The following MARF1 variants were observed in gnomAD, a reference collection of about 807,000 sequenced individuals.
MARF1 encodes meiosis regulator and mRNA stability factor 1.
Under a neutral mutation model 168.2 loss-of-function variants are expected in MARF1, and 24 were observed. The observed-to-expected ratio is 0.14, with a 90% CI of 0.10 to 0.20. The LOEUF (loss-of-function observed/expected upper bound fraction) is 0.20, where lower values mean the gene tolerates loss of function less well. Among genes scored for constraint, MARF1 ranks in the 10% least tolerant of loss-of-function variants. The pLI is 1.00. For synonymous variants in MARF1, 868 were observed against 822.4 expected (o/e 1.06, Z -0.95); for missense variants, 1,744 against 2,143.6 (o/e 0.81, Z 3.68).
At chr16:15,630,264 T>C (rs1487057441) in intron 7 of MARF1, 68 bp downstream of exon 7, 15 of 1,465,214 alleles carry the variant, frequency 1.0e-5, no homozygotes, top group Non-Finnish European at 1.4e-5. Context: ...ACCCCCTTAT[T>C]ATGGGCTGTC....
chr16:15,622,108 C>T (rs369807108), intron 11 of MARF1, among the ~76,000 whole-genome samples, 197 bp from the exon 12 acceptor site: 5 of 152,220 alleles, frequency 3.3e-5, no homozygotes, highest in East Asian at 3.9e-4. Context: ...GACACTGGCC[C>T]GGCCTGCCTG....
At chr16:15,602,640 G>GC (rs370453498) in intron 22 of MARF1, 3 of 458,872 alleles carry the variant, frequency 6.5e-6, no homozygotes, top group Middle Eastern at 3.2e-4. Context: ...GAAGGAAGAG[G>GC]AGAAAGAAAA....
intron 13 of MARF1, 80 bp from the exon 14 acceptor site, chr16:15,617,615 G>C: frequency 2.2e-6 from 2 of 919,730 alleles, no homozygotes; most frequent in South Asian, 1.6e-5. Flanking sequence ...TTTAAATAAA[G>C]AACAATAACC....
chr16:15,633,875 T>C, intron 4 of MARF1, 32 bp from the exon 5 acceptor site: 2 of 1,515,594 alleles, frequency 1.3e-6, no homozygotes, highest in South Asian at 2.4e-5. Flanking sequence ...CAATTACTTG[T>C]AGTGGAAAAT....
chr16:15,633,877 G>T (rs542495464), intron 4 of MARF1, 34 bp from the exon 5 acceptor site: 2 of 1,507,010 alleles, frequency 1.3e-6, no homozygotes, highest in East Asian at 2.3e-5. Flanking sequence ...ATTACTTGTA[G>T]TGGAAAATAA....
In MARF1 at chr16:15,614,557, G is replaced by A. The variant is rs1408599747; in HGVS notation, c.3253+1273C>T. The stretch of plus-strand genomic sequence containing the variant: ...TCCCAGCACTTTGGGAGGCTGAGGC[G>A]GGCGGATCATGAGGTCAGGAGATCA... On this transcript the variant is annotated intron_variant, in intron 16 of 26. Transcript: ENST00000396368. Among the ~76,000 whole-genome samples, 8 of 150,060 alleles carry A rather than the reference G, an allele frequency of 5.3e-5. No homozygotes were observed. The East Asian group carries it at 6.0e-4, about 11-fold the overall frequency.
intron 3 of MARF1, 79 bp downstream of exon 3, chr16:15,635,577 C>T (rs1334657511): frequency 7.7e-7 from 1 of 1,292,000 alleles, no homozygotes; most frequent in East Asian, 2.4e-5. Context: ...ATGTATAATA[C>T]TTTTCAAGAT....
rs565989147 is a variant in MARF1 at position 15,599,154 on chromosome 16, T to TAAA, written c.4814-133_4814-131dup. 1,732 of 297,652 alleles carry TAAA rather than the reference T, an allele frequency of 5.8e-3. 2 individuals carry two copies. Among genetic ancestry groups the TAAA allele is most frequent in the African/African-American group, 0.014 (416 of 28,982 alleles). The allele number at this position is 297,652 out of a possible 1,614,324, so 18.4% of individuals were successfully genotyped here. ...GAGAGTCAAGAAGTATTTAAGGTAT[T>TAAA]AAAAAAAAAAAAAAAAAAAAACAAA... On this transcript the variant is annotated intron_variant, in intron 25 of 26. Transcript: ENST00000396368.
At position 15,633,725 on chromosome 16, in the gene MARF1, T is replaced by A; in HGVS notation, c.1125A>T (p.Gln375His). The change falls in exon 5 of 27, where the codon CAA becomes CAT. Residue 375 changes from glutamine (Q) to histidine (H), a missense_variant. Physicochemically the swap from Gln to His is conservative, Grantham distance 24. Transcript: ENST00000396368. ...CTTTAAAAAACTTCTCACGGATTCT[T>A]TGCACAACAGCAGTTGCTGACCGGC... ...PSGRSATAVV[Q>H]RIREKFFKGH... is the part of the protein sequence containing the mutation. 1.9e-6 allele frequency: 3 copies of A among 1,614,138 alleles called. No homozygotes were observed. Among genetic ancestry groups the A allele is most frequent in the Non-Finnish European group, 2.5e-6 (3 of 1,180,020 alleles).
Position 15,630,429 on chromosome 16 carries a change from T to A in MARF1, c.1427A>T (p.Asn476Ile). 1 of 1,614,056 alleles carries A rather than the reference T, an allele frequency of 6.2e-7. No individual in the cohort carries two copies. Among genetic ancestry groups the A allele is most frequent in the Non-Finnish European group, 8.5e-7 (1 of 1,179,972 alleles). The change falls in exon 7 of 27, where the codon AAC becomes ATC. Residue 476 changes from asparagine (N) to isoleucine (I), a missense_variant. Asn to Ile is a moderately radical substitution (Grantham distance 149). This residue lies in a region of MARF1 where 217 missense variants were observed against 372.4 expected (regional missense o/e 0.58). Transcript: ENST00000396368. ...HGFHIILVHK[N>I]QASEALLHHA... ...ATGCAGCAGTGCTTCTGAGGCCTGG[T>A]TTTTATGGACCAAAATAATGTGGAA...
intron 25 of MARF1, among the ~76,000 whole-genome samples, chr16:15,600,018 T>G (rs1180994129): frequency 6.6e-6 from 1 of 152,196 alleles, no homozygotes; most frequent in Admixed American, 6.5e-5. Flanking sequence ...CCTGCATGCC[T>G]ATAGCAAGAA....
At chr16:15,631,264 T>C in intron 6 of MARF1, 117 bp downstream of exon 6, 1 of 660,596 alleles carries the variant, frequency 1.5e-6, no homozygotes, top group Non-Finnish European at 2.7e-6. Context: ...ACCATAAACA[T>C]GTCTCATGTA....
At position 15,636,260 on chromosome 16, in the gene MARF1, G is replaced by A. The variant is rs1443712846; in HGVS notation, c.227C>T (p.Pro76Leu). ...SPLHAGSKLF[P>L]AVPLPDIRSL... ...ACGAATATCAGGAAGTGGGACTGCT[G>A]GAAAAAGCTTAGAGCCAGCATGAAG... The change falls in exon 3 of 27, where the codon CCA becomes CTA. Residue 76 changes from proline (P) to leucine (L), a missense_variant. By Grantham distance (98) the Pro-to-Leu change is moderately conservative (BLOSUM62 -3). Around this residue, in one of 7 missense-constraint regions of MARF1, gnomAD observed 318 missense variants for 336.6 expected, o/e 0.94. Coordinates refer to ENST00000396368, the MANE Select transcript of MARF1 (RefSeq NM_014647.4). 1.9e-6 allele frequency: 3 copies of A among 1,613,688 alleles called. No homozygotes were observed. The highest frequency in any genetic ancestry group is 2.5e-6 in the Non-Finnish European group (3 of 1,179,800).
At chr16:15,626,039 G>C (rs1013153886) in intron 7 of MARF1, among the ~76,000 whole-genome samples, 1 of 152,154 alleles carries the variant, frequency 6.6e-6, no homozygotes, top group Non-Finnish European at 1.5e-5. Flanking sequence ...ACTCAGGTGG[G>C]AGGATTACCT....
intron 10 of MARF1, 149 bp from the exon 11 acceptor site, chr16:15,623,272 A>AAC: frequency 3.5e-6 from 1 of 287,984 alleles, no homozygotes; most frequent in Non-Finnish European, 5.6e-6. Flanking sequence ...TGTGTTTTTA[A>AAC]TCTTTTTTTT....
chr16:15,610,745 CT>C (rs1184332584), intron 19 of MARF1, among the ~76,000 whole-genome samples: 3 of 152,290 alleles, frequency 2.0e-5, no homozygotes, highest in Admixed American at 6.5e-5. Flanking sequence ...GATGATGCCC[CT>C]TTTTCCCCTT....
At chr16:15,599,174 A>C (rs2032137652) in intron 25 of MARF1, 150 bp from the exon 26 acceptor site, 3 of 751,458 alleles carry the variant, frequency 4.0e-6, no homozygotes, top group Non-Finnish European at 6.3e-6. Flanking sequence ...AAAAAAAAAA[A>C]ACAAAAACCC....
At chr16:15,614,757 C>T (rs553108712) in intron 16 of MARF1, among the ~76,000 whole-genome samples, 4 of 151,722 alleles carry the variant, frequency 2.6e-5, no homozygotes, top group Non-Finnish European at 5.9e-5. Context: ...TGTGCCACTA[C>T]ACTCCAGCCT....
intron 18 of MARF1, 30 bp downstream of exon 18, chr16:15,611,562 C>T: frequency 6.3e-7 from 1 of 1,588,842 alleles, no homozygotes; most frequent in Non-Finnish European, 8.6e-7. Context: ...AAAATATTTA[C>T]TTTCATTTCT....
Sources: gnomAD v4.1 joint callset for allele counts (sites outside exome capture counted in the v4.1 genomes callset) on GRCh38, gnomAD v4.1.1 for gene constraint, gnomAD v4.1.1 regional missense constraint, MANE v1.5 for transcripts, NCBI Gene and HGNC (gene_info 2026-07-23, HGNC 2026-07-21) for gene names.